SH3BGRL: variants seen among roughly 807,000 people sequenced by gnomAD.
The protein encoded by SH3BGRL is SH3 domain binding glutamate rich protein like.
SH3BGRL carries 7 observed loss-of-function variants against 9.8 expected under a neutral mutation model. The ratio of observed to expected loss-of-function variants is 0.72; its 90% CI spans 0.41 to 1.35. The LOEUF is 1.35. SH3BGRL is among the 40% of genes most tolerant of loss of function. SH3BGRL has a pLI of 0.01. For synonymous variants in SH3BGRL, 36 were observed against 29.1 expected, an observed-to-expected ratio of 1.24 and a Z score of -0.76; for missense variants, 73 against 84.4, an observed-to-expected ratio of 0.86 and a Z score of 0.53.
At position 81,220,141 on chromosome X, in the gene SH3BGRL, T is replaced by A. The variant is rs1288784577; in HGVS notation, c.45+17896T>A. Among the ~76,000 whole-genome samples, 3 of 111,447 alleles carry A rather than the reference T, an allele frequency of 2.7e-5. No individual in the cohort carries two copies. In the Admixed American group the frequency reaches 2.9e-4, roughly 11 times the overall value. ...TGTACTATTGGCCTTGTATAATCAG[T>A]TTGGAAGTATTTCCTCCTTCTTTTC... On this transcript the variant is annotated intron_variant, in intron 1 of 3. Coordinates refer to ENST00000373212, the MANE Select transcript of SH3BGRL (RefSeq NM_003022.3).
At chrX:81,224,827 T>C (rs1180068285) in intron 1 of SH3BGRL, among the ~76,000 whole-genome samples, 1 of 111,635 alleles carries the variant, frequency 9.0e-6, no homozygotes, top group African/African-American at 3.3e-5. Flanking sequence ...GTTGTTGTTT[T>C]TGTCAATAGT....
At chrX:81,255,391 G>A (rs897679690) in intron 1 of SH3BGRL, 1 of 111,708 alleles carries the variant, frequency 9.0e-6, no homozygotes, top group East Asian at 2.8e-4. Flanking sequence ...TTAGACAAGG[G>A]TTTCATTGTT....
intron 1 of SH3BGRL, among the ~76,000 whole-genome samples, chrX:81,270,884 C>T (rs2075776484): frequency 8.9e-6 from 1 of 112,022 alleles, no homozygotes; most frequent in African/African-American, 3.2e-5. Context: ...GTGGACTCCA[C>T]CCAGTTCAAG....
chrX:81,284,417 G>A (rs1157090885), intron 3 of SH3BGRL, among the ~76,000 whole-genome samples: 1 of 109,491 alleles, frequency 9.1e-6, no homozygotes, highest in Non-Finnish European at 1.9e-5. Context: ...AAAAAAAAAA[G>A]TTACAGGATT....
chrX:81,207,839 T>C (rs192957409), intron 1 of SH3BGRL, among the ~76,000 whole-genome samples: 47 of 111,920 alleles, frequency 4.2e-4, no homozygotes, highest in Non-Finnish European at 9.4e-5. Flanking sequence ...ACAGAAACAT[T>C]GGAAGAATTT....
intron 3 of SH3BGRL, among the ~76,000 whole-genome samples, chrX:81,286,637 A>C (rs756685056): frequency 7.2e-5 from 8 of 110,511 alleles, no homozygotes; most frequent in African/African-American, 2.6e-4. Flanking sequence ...GGATAGATAT[A>C]ATTAGAAGCA....
intron 1 of SH3BGRL, among the ~76,000 whole-genome samples, chrX:81,243,509 A>G (rs1206158626): frequency 9.0e-6 from 1 of 111,588 alleles, no homozygotes; most frequent in Non-Finnish European, 1.9e-5. Flanking sequence ...ATAATAACTT[A>G]ATTGTTAAAT....
At chrX:81,204,907 T>C (rs1250553446) in intron 1 of SH3BGRL, among the ~76,000 whole-genome samples, 1 of 112,697 alleles carries the variant, frequency 8.9e-6, no homozygotes, top group African/African-American at 3.2e-5. Flanking sequence ...ACAAGTATGT[T>C]GGTCTTTGCA....
intron 2 of SH3BGRL, 24 bp downstream of exon 2, chrX:81,277,193 G>T (rs1279906306): frequency 8.6e-7 from 1 of 1,168,900 alleles, no homozygotes; most frequent in Non-Finnish European, 1.2e-6. Flanking sequence ...TTAAATTCTT[G>T]TTTATTGTAA....
chrX:81,294,443 G>A (rs905461279), intron 3 of SH3BGRL, among the ~76,000 whole-genome samples: 5 of 110,558 alleles, frequency 4.5e-5, no homozygotes, highest in African/African-American at 1.3e-4. Flanking sequence ...CCCAAGCCCT[G>A]GCAACTTCCA....
chrX:81,253,547 T>C (rs2075717053), intron 1 of SH3BGRL, among the ~76,000 whole-genome samples: 1 of 111,061 alleles, frequency 9.0e-6, no homozygotes, highest in African/African-American at 3.3e-5. Flanking sequence ...CATCCATGAC[T>C]CCTATTTTTA....
chrX:81,209,046 C>CA (rs1333075945), intron 1 of SH3BGRL, among the ~76,000 whole-genome samples: 185 of 92,167 alleles, frequency 2.0e-3, no homozygotes, highest in Non-Finnish European at 3.1e-3. Flanking sequence ...CTCACTCTGT[C>CA]ACCCAGGCTG....
intron 3 of SH3BGRL, among the ~76,000 whole-genome samples, chrX:81,296,627 G>A (rs2075875647): frequency 9.0e-6 from 1 of 110,987 alleles, no homozygotes; most frequent in Admixed American, 9.6e-5. Flanking sequence ...AGTCAATCTT[G>A]CCACTCATCT....
At chrX:81,221,613 C>G (rs1216566986) in intron 1 of SH3BGRL, among the ~76,000 whole-genome samples, 1 of 111,748 alleles carries the variant, frequency 8.9e-6, no homozygotes, top group Non-Finnish European at 1.9e-5. Context: ...GGGTGTCTTA[C>G]TCCCAGGAGT....
In SH3BGRL at chrX:81,290,158, AAC is replaced by A. The variant is rs748774303; in HGVS notation, c.313-7035_313-7034del. On this transcript the variant is annotated intron_variant, in intron 3 of 3. Coordinates refer to ENST00000373212, the MANE Select transcript of SH3BGRL (RefSeq NM_003022.3). ...GTAAATTAATACAGCCACTATACAG[AAC>A]AGTTTGGAGGTTCCTCAAAAACCTA... Among the ~76,000 whole-genome samples, 4 of 112,106 alleles carry A rather than the reference AAC, an allele frequency of 3.6e-5. No homozygotes were observed. In the East Asian group the frequency reaches 8.5e-4, roughly 24 times the overall value.
intron 1 of SH3BGRL, among the ~76,000 whole-genome samples, chrX:81,217,142 A>G (rs1173168568): frequency 9.1e-6 from 1 of 110,214 alleles, no homozygotes; most frequent in East Asian, 2.8e-4. Flanking sequence ...TTTTATTTAT[A>G]TATATTTATT....
chrX:81,236,055 G>T (rs1273936013), intron 1 of SH3BGRL, among the ~76,000 whole-genome samples: 1 of 111,360 alleles, frequency 9.0e-6, no homozygotes, highest in Non-Finnish European at 1.9e-5. Flanking sequence ...TGTTTTTTAT[G>T]AGTTTACCCA....
At chrX:81,218,227 GGAACATTT>G (rs2075587095) in intron 1 of SH3BGRL, among the ~76,000 whole-genome samples, 1 of 110,419 alleles carries the variant, frequency 9.1e-6, no homozygotes, top group East Asian at 2.8e-4. Flanking sequence ...TTTTTTAAGT[GGAACATTT>G]AGGCTACTTA....
intron 1 of SH3BGRL, among the ~76,000 whole-genome samples, chrX:81,243,607 G>T (rs1232748935): frequency 9.1e-6 from 1 of 110,328 alleles, no homozygotes; most frequent in Non-Finnish European, 1.9e-5. Context: ...TATGATATGG[G>T]GATGGATACC....
Sources: allele counts gnomAD v4.1 joint callset (sites outside exome capture counted in the v4.1 genomes callset), GRCh38; gene constraint gnomAD v4.1.1; transcripts MANE v1.5; gene names NCBI Gene and HGNC (gene_info 2026-07-23, HGNC 2026-07-21).